PTPRD: variants seen among roughly 807,000 people sequenced by gnomAD.
PTPRD encodes receptor-type tyrosine-protein phosphatase delta.
Under a neutral mutation model 214.5 loss-of-function variants are expected in PTPRD, and 34 were observed. The observed-to-expected ratio is 0.16, with a 90% CI of 0.12 to 0.21. The LOEUF is 0.21. PTPRD is among the 10% of genes least tolerant of loss of function. The pLI, the probability that PTPRD is intolerant of heterozygous loss-of-function variation, is 1.00. For missense variants in PTPRD, 2,545 were observed against 2,398.7 expected (o/e 1.06, Z -1.27); for synonymous variants, 1,128 against 845.7 (o/e 1.33, Z -5.79).
At chr9:9,304,417 T>G (rs1475753044) in intron 9 of PTPRD, among the ~76,000 whole-genome samples, 1 of 152,056 alleles carries the variant, frequency 6.6e-6, no homozygotes, top group Non-Finnish European at 1.5e-5. Context: ...TTTTTTAATC[T>G]TTGTGCATTT....
At chr9:8,786,033 T>TTGTGTGTG (rs34200290) in intron 11 of PTPRD, among the ~76,000 whole-genome samples, 136 of 143,320 alleles carry the variant, frequency 9.5e-4, no homozygotes, top group East Asian at 8.9e-3. Flanking sequence ...GCTTAATTTG[T>TTGTGTGTG]TGTGTGTGTG....
intron 3 of PTPRD, among the ~76,000 whole-genome samples, chr9:10,224,105 C>T (rs1378099219): frequency 6.6e-6 from 1 of 151,914 alleles, no homozygotes. Flanking sequence ...TCAGTTGCCT[C>T]TTGAGAATAA....
intron 11 of PTPRD, among the ~76,000 whole-genome samples, chr9:8,833,691 T>TCC: frequency 9.0e-6 from 1 of 110,996 alleles, no homozygotes; most frequent in Non-Finnish European, 1.9e-5. Context: ...CTCTCTCCTC[T>TCC]CTCTCTCTCT....
At chr9:9,940,797 G>A (rs1338174379) in intron 4 of PTPRD, among the ~76,000 whole-genome samples, 1 of 152,142 alleles carries the variant, frequency 6.6e-6, no homozygotes, top group Non-Finnish European at 1.5e-5. Flanking sequence ...GCTTAAGAAT[G>A]ATTTCTCTTC....
At chr9:10,497,764 C>G (rs1016131) in intron 2 of PTPRD, among the ~76,000 whole-genome samples, 1 of 151,650 alleles carries the variant, frequency 6.6e-6, no homozygotes, top group Non-Finnish European at 1.5e-5. Flanking sequence ...TATATATTTA[C>G]GAATGAAAGA....
intron 4 of PTPRD, among the ~76,000 whole-genome samples, chr9:9,998,189 A>G (rs1035080972): frequency 1.3e-5 from 2 of 149,016 alleles, no homozygotes; most frequent in Admixed American, 6.7e-5. Flanking sequence ...AGATGAAGCC[A>G]CCTCGACCCT....
At chr9:9,570,603 T>C (rs2086065893) in intron 8 of PTPRD, among the ~76,000 whole-genome samples, 1 of 151,582 alleles carries the variant, frequency 6.6e-6, no homozygotes, top group African/African-American at 2.4e-5. Context: ...ATAAGAAGTA[T>C]TAGTGCTACT....
At position 8,562,002 on chromosome 9, in the gene PTPRD, A is replaced by C. The variant is rs189463281; in HGVS notation, c.353-33223T>G. On this transcript the variant is annotated intron_variant, in intron 14 of 45. Transcript: ENST00000381196. ...TTAAAAAGATGTTTCCTAAAGACCTACCATTTAACCACAAACTGGGAATAA... is the reference window on the plus strand; with the variant it reads ...TTAAAAAGATGTTTCCTAAAGACCTCCCATTTAACCACAAACTGGGAATAA... Among the ~76,000 whole-genome samples, 3 of 152,314 alleles carry C rather than the reference A, an allele frequency of 2.0e-5. No individual in the cohort carries two copies. The East Asian group carries it at 5.8e-4, about 29-fold the overall frequency.
At chr9:9,926,997 G>C (rs1333316802) in intron 5 of PTPRD, among the ~76,000 whole-genome samples, 1 of 152,040 alleles carries the variant, frequency 6.6e-6, no homozygotes, top group African/African-American at 2.4e-5. Flanking sequence ...AATATAATTA[G>C]GTATTGCAGG....
intron 3 of PTPRD, among the ~76,000 whole-genome samples, chr9:10,273,046 T>C (rs1323722329): frequency 6.6e-6 from 1 of 152,182 alleles, no homozygotes; most frequent in Non-Finnish European, 1.5e-5. Flanking sequence ...AATGCTCTGA[T>C]GATTGGCACA....
chr9:8,890,557 A>G (rs1031120948), intron 11 of PTPRD, among the ~76,000 whole-genome samples: 11 of 152,244 alleles, frequency 7.2e-5, no homozygotes, highest in African/African-American at 2.7e-4. Flanking sequence ...TGTTAAACAA[A>G]AGGTAGCCTG....
chr9:8,329,517 C>T (rs947199049), intron 44 of PTPRD, among the ~76,000 whole-genome samples: 3 of 152,168 alleles, frequency 2.0e-5, no homozygotes, highest in Non-Finnish European at 4.4e-5. Flanking sequence ...AGGAGAGAGT[C>T]TGTCCCTTAT....
chr9:9,325,076 G>A (rs144524617), intron 9 of PTPRD, among the ~76,000 whole-genome samples: 2,320 of 152,226 alleles, frequency 0.015, 53 homozygotes, highest in African/African-American at 0.054. Flanking sequence ...CAAGTACCAC[G>A]CTGTTTTGGT....
intron 10 of PTPRD, among the ~76,000 whole-genome samples, chr9:9,120,174 A>T (rs2099816266): frequency 6.6e-6 from 1 of 152,204 alleles, no homozygotes; most frequent in Non-Finnish European, 1.5e-5. Flanking sequence ...TGGCATCTTG[A>T]AGGCTTTTGG....
rs2092839415 is a variant in PTPRD, at chr9:9,947,482, T to TTATATATATTATATATATTTTATATATAA, written c.-471-8873_-471-8872insTTATATATAAAATATATATAATATATATA. On this transcript the variant is annotated intron_variant, in intron 4 of 45. Transcript: ENST00000381196. The stretch of plus-strand genomic sequence containing the variant: ...ATATATACTATATATTATATATATT[T>TTATATATATTATATATATTTTATATATAA]TATATATATTATATATATTTTATAT... Among the ~76,000 whole-genome samples the TTATATATATTATATATATTTTATATATAA allele has an allele frequency of 1.2e-4, 3 of 24,006 alleles. 1 individual carries two copies. The highest frequency in any genetic ancestry group is 9.6e-4 in the African/African-American group (3 of 3,140). 15.7% of individuals were successfully genotyped at this position (24,006 alleles called of 152,430 possible).
chr9:9,842,839 T>C (rs2058660906), intron 5 of PTPRD, among the ~76,000 whole-genome samples: 1 of 152,096 alleles, frequency 6.6e-6, no homozygotes, highest in Non-Finnish European at 1.5e-5. Context: ...CAGTGGATTT[T>C]TTTTTGCATG....
intron 4 of PTPRD, among the ~76,000 whole-genome samples, chr9:10,000,470 C>A (rs1382160760): frequency 6.6e-6 from 1 of 152,106 alleles, no homozygotes; most frequent in Non-Finnish European, 1.5e-5. Flanking sequence ...AGGAGAAGAC[C>A]CAACTGCTGT....
chr9:8,828,991 C>T (rs1383679890), intron 11 of PTPRD, among the ~76,000 whole-genome samples: 1 of 152,208 alleles, frequency 6.6e-6, no homozygotes, highest in East Asian at 1.9e-4. Flanking sequence ...CTCTATCACA[C>T]TGTGCCAGCA....
At chr9:9,658,249 G>A (rs1233332602) in intron 7 of PTPRD, among the ~76,000 whole-genome samples, 1 of 152,016 alleles carries the variant, frequency 6.6e-6, no homozygotes, top group African/African-American at 2.4e-5. Flanking sequence ...CAATTGCTCT[G>A]GAAGAACAAA....
Sources: allele counts gnomAD v4.1 joint callset (sites outside exome capture counted in the v4.1 genomes callset), GRCh38; gene constraint gnomAD v4.1.1; transcripts MANE v1.5; gene names NCBI Gene and HGNC (gene_info 2026-07-23, HGNC 2026-07-21).